Variants in MAP3K1 observed in about 807,000 individuals in gnomAD.
The protein encoded by MAP3K1 is mitogen-activated protein kinase kinase kinase 1.
A neutral mutation model predicts 144.2 loss-of-function variants in MAP3K1; 36 were observed. The observed-to-expected ratio is 0.25, with a 90% CI of 0.19 to 0.33. The LOEUF is 0.33. MAP3K1 is among the 10% of genes least tolerant of loss of function. MAP3K1 has a pLI of 1.00. For synonymous variants in MAP3K1, 718 were observed against 688.7 expected (o/e 1.04, Z -0.67); for missense variants, 1,650 against 1,881.9 (o/e 0.88, Z 2.28).
chr5:56,867,088 T>TC (rs1747698635), intron 6 of MAP3K1, among the ~76,000 whole-genome samples: 1 of 152,202 alleles, frequency 6.6e-6, no homozygotes, highest in African/African-American at 2.4e-5. Context: ...CACCTCAGCG[T>TC]CCCAAAGTGC....
intron 1 of MAP3K1, among the ~76,000 whole-genome samples, chr5:56,828,327 T>A (rs1289896456): frequency 5.3e-5 from 8 of 152,328 alleles, no homozygotes; most frequent in Non-Finnish European, 1.2e-4. Flanking sequence ...TCTTTTCTCA[T>A]CTGTGAAAAG....
chr5:56,844,417 G>A (rs1250877104), intron 1 of MAP3K1, among the ~76,000 whole-genome samples: 24 of 151,976 alleles, frequency 1.6e-4, no homozygotes, highest in Admixed American at 1.4e-3. Context: ...CTGACCTCGT[G>A]ATCCGCCCGC....
At chr5:56,826,527 C>A (rs982916137) in intron 1 of MAP3K1, among the ~76,000 whole-genome samples, 10 of 151,824 alleles carry the variant, frequency 6.6e-5, no homozygotes, top group African/African-American at 2.4e-4. Flanking sequence ...ATATTACTGT[C>A]CTTGAGAATA....
At chr5:56,827,908 C>T (rs1295985051) in intron 1 of MAP3K1, among the ~76,000 whole-genome samples, 1 of 151,732 alleles carries the variant, frequency 6.6e-6, no homozygotes, top group Non-Finnish European at 1.5e-5. Context: ...GACCTGTTAG[C>T]TACTTGGACC....
intron 2 of MAP3K1, among the ~76,000 whole-genome samples, chr5:56,858,450 A>T (rs999964599): frequency 6.6e-6 from 1 of 152,242 alleles, no homozygotes; most frequent in African/African-American, 2.4e-5. Flanking sequence ...GTGGAATAAG[A>T]TGCATAACAC....
intron 1 of MAP3K1, among the ~76,000 whole-genome samples, chr5:56,837,519 T>C (rs1356825919): frequency 6.6e-6 from 1 of 152,150 alleles, no homozygotes; most frequent in Non-Finnish European, 1.5e-5. Flanking sequence ...GTGAAGCTTA[T>C]TTACATCTTG....
chr5:56,826,108 T>C (rs1746305739), intron 1 of MAP3K1, among the ~76,000 whole-genome samples: 1 of 152,212 alleles, frequency 6.6e-6, no homozygotes, highest in Admixed American at 6.5e-5. Context: ...GTCCTGCAGC[T>C]GATCACCCTT....
chr5:56,887,046 A>G lies in MAP3K1; in HGVS notation c.4115-332A>G, dbSNP rs113890648. On this transcript the variant is annotated intron_variant, in intron 17 of 19. Transcript: ENST00000399503. ...CCACAGTGCTGAGATTACAGGCGTC[A>G]GCCACCGTACCTGGCCTCAGTTTAT... Among the ~76,000 whole-genome samples the G allele has an allele frequency of 3.3e-3, 507 of 152,334 alleles. 2 individuals are homozygous for G. The highest frequency in any genetic ancestry group is 0.012 in the African/African-American group (483 of 41,582).
At chr5:56,873,569 G>C (rs1747925675) in intron 9 of MAP3K1, among the ~76,000 whole-genome samples, 2 of 152,070 alleles carry the variant, frequency 1.3e-5, no homozygotes, top group South Asian at 4.2e-4. Flanking sequence ...GGGCTTTTTT[G>C]TCAGTTGGTT....
At chr5:56,893,376 T>C (rs533908458) in intron 19 of MAP3K1, among the ~76,000 whole-genome samples, 155 bp from the exon 20 acceptor site, 6 of 152,352 alleles carry the variant, frequency 3.9e-5, no homozygotes, top group Admixed American at 3.3e-4. Context: ...ATGAATTTTT[T>C]CATAGACTTT....
chr5:56,882,453 C>A lies in MAP3K1; in HGVS notation c.3253C>A (p.Leu1085Met), dbSNP rs370291081. The A allele has an allele frequency of 9.9e-6, 16 of 1,614,062 alleles. No individual in the cohort carries two copies. The African/African-American group carries it at 2.1e-4, about 22-fold the overall frequency. The change falls in exon 14 of 20, where the codon CTG becomes ATG. Residue 1085 changes from leucine to methionine, a missense_variant. Leu to Met is a conservative substitution (Grantham distance 15, BLOSUM62 2). Around this residue, in one of 6 missense-constraint regions of MAP3K1, gnomAD observed 841 missense variants for 886.5 expected, o/e 0.95. Coordinates refer to ENST00000399503, the MANE Select transcript of MAP3K1 (RefSeq NM_005921.2). ...CTCAAAAAATAGCATGACACTTGATCTGAACAGTAGTTCCAAATGTGATGA... is the reference window on the plus strand; with the variant it reads ...CTCAAAAAATAGCATGACACTTGATATGAACAGTAGTTCCAAATGTGATGA... ...DPSKNSMTLD[L>M]NSSSKCDDSF... is the part of the protein sequence containing the mutation.
rs1228203095 is a variant in MAP3K1, at chr5:56,815,829, G to C, written c.256G>C (p.Ala86Pro). ...QPLFLAASPP[A>P]SSTSPSPEPA... ...GCTCTTCCTTGCCGCCTCACCGCCG[G>C]CCTCCTCGACTTCCCCGTCGCCGGA... Residue 86 changes from alanine to proline, a missense_variant, in exon 1 of 20, where the codon GCC (alanine) becomes CCC (proline). Around this residue, in one of 6 missense-constraint regions of MAP3K1, gnomAD observed 360 missense variants for 274.7 expected, o/e 1.31. Transcript: ENST00000399503. 3 of 1,416,790 alleles carry C rather than the reference G, an allele frequency of 2.1e-6. No individual in the cohort carries two copies. The highest frequency in any genetic ancestry group is 2.8e-6 in the Non-Finnish European group (3 of 1,081,808). The allele number at this position is 1,416,790 out of a possible 1,614,324, so 87.8% of individuals were successfully genotyped here.
At position 56,830,164 on chromosome 5, in the gene MAP3K1, A is replaced by G. The variant is rs115199193; in HGVS notation, c.482+14109A>G. Among the ~76,000 whole-genome samples the G allele has an allele frequency of 2.7e-3, 410 of 152,336 alleles. 2 individuals are homozygous for G. The highest frequency in any genetic ancestry group is 9.5e-3 in the African/African-American group (397 of 41,586). On this transcript the variant is annotated intron_variant, in intron 1 of 19. Transcript: ENST00000399503. ...AAATGTTATCAGAATTATATTGTGT[A>G]ATATAATGCTTTCTTCTTGTTGAGG...
At position 56,815,736 on chromosome 5, in the gene MAP3K1, G is replaced by A. The variant is rs769918068; in HGVS notation, c.163G>A (p.Ala55Thr). ...GGCGGGCAGCGGGGGCCGCGAGCGG[G>A]CGGACTGGCGGCGGCGGCAGCTGCG... ...REAGSGGRER[A>T]DWRRRQLRKV... The change falls in exon 1 of 20, where the codon GCG becomes ACG. Residue 55 changes from alanine (A) to threonine (T), a missense_variant. By Grantham distance (58) the Ala-to-Thr change is moderately conservative. Coordinates refer to ENST00000399503, the MANE Select transcript of MAP3K1 (RefSeq NM_005921.2). 18 of 1,349,752 alleles carry A rather than the reference G, an allele frequency of 1.3e-5. 1 individual carries two copies. In the South Asian group the frequency reaches 3.2e-4, roughly 24 times the overall value. 83.6% of individuals were successfully genotyped at this position (1,349,752 alleles called of 1,614,324 possible).
At chr5:56,817,037 G>T in intron 1 of MAP3K1, 1 of 985,030 alleles carries the variant, frequency 1.0e-6, no homozygotes, top group Non-Finnish European at 1.2e-6. Flanking sequence ...CGGGCCGCCC[G>T]CTGAATTCCA....
chr5:56,827,151 G>T (rs1332729743), intron 1 of MAP3K1, among the ~76,000 whole-genome samples: 1 of 152,172 alleles, frequency 6.6e-6, no homozygotes, highest in Non-Finnish European at 1.5e-5. Flanking sequence ...GTGTAGTTCA[G>T]GTAACTCGGC....
chr5:56,873,551 A>G (rs1298766330), intron 9 of MAP3K1, among the ~76,000 whole-genome samples: 1 of 152,104 alleles, frequency 6.6e-6, no homozygotes, highest in Non-Finnish European at 1.5e-5. Context: ...TTTCATCCTC[A>G]GTAAGTAGGG....
intron 1 of MAP3K1, among the ~76,000 whole-genome samples, chr5:56,846,389 C>T (rs1160845215): frequency 1.3e-5 from 2 of 152,156 alleles, no homozygotes; most frequent in South Asian, 2.1e-4. Context: ...CAAGGGTGTT[C>T]GCTTGAAAAC....
intron 6 of MAP3K1, among the ~76,000 whole-genome samples, chr5:56,868,469 C>T (rs915145280): frequency 2.0e-5 from 3 of 152,122 alleles, no homozygotes; most frequent in Non-Finnish European, 4.4e-5. Flanking sequence ...ACTGCAAGCT[C>T]TGCCTCCCGG....
Sources: allele counts gnomAD v4.1 joint callset (sites outside exome capture counted in the v4.1 genomes callset), GRCh38; gene constraint gnomAD v4.1.1; regional missense constraint gnomAD v4.1.1; transcripts MANE v1.5; gene names NCBI Gene and HGNC (gene_info 2026-07-23, HGNC 2026-07-21).